The following PLCG2 variants were observed in gnomAD, a reference collection of about 807,000 sequenced individuals.
The protein encoded by PLCG2 is phospholipase C gamma 2.
In PLCG2, 69 loss-of-function variants were observed where a neutral mutation model predicts 175.6. The ratio of observed to expected loss-of-function variants is 0.39; its 90% confidence interval spans 0.32 to 0.48. The LOEUF is 0.48. PLCG2 is among the 20% of genes least tolerant of loss of function. The pLI, the probability that PLCG2 is intolerant of heterozygous loss-of-function variation, is 0.91. For synonymous variants in PLCG2, 827 were observed against 624.0 expected (o/e 1.33, Z -4.85); for missense variants, 1,798 against 1,650.9 (o/e 1.09, Z -1.54).
intron 2 of PLCG2, among the ~76,000 whole-genome samples, chr16:81,828,963 G>T (rs1905151644): frequency 6.6e-6 from 1 of 152,062 alleles, no homozygotes; most frequent in South Asian, 2.1e-4. Context: ...TTCCTGTGTG[G>T]GCCATTCTCT....
intron 2 of PLCG2, among the ~76,000 whole-genome samples, chr16:81,847,364 T>A (rs922617079): frequency 1.3e-5 from 2 of 152,202 alleles, no homozygotes; most frequent in African/African-American, 4.8e-5. Flanking sequence ...TACAAAGGCA[T>A]GATTGATTAA....
intron 2 of PLCG2, among the ~76,000 whole-genome samples, chr16:81,845,612 C>A (rs1054521377): frequency 6.6e-6 from 1 of 152,232 alleles, no homozygotes; most frequent in African/African-American, 2.4e-5. Context: ...GCAGCCCCTG[C>A]ACTAGAATCT....
At chr16:81,818,883 A>ATTTTTTTTTTTTTTTTTTTTTTTTT (rs57346304) in intron 2 of PLCG2, among the ~76,000 whole-genome samples, 9 of 106,610 alleles carry the variant, frequency 8.4e-5, no homozygotes, top group African/African-American at 2.8e-4. Flanking sequence ...GGGCTCATGG[A>ATTTTTTTTTTTTTTTTTTTTTTTTT]TTTTTTTTTT....
At chr16:81,885,445 T>C (rs1294343018) in intron 9 of PLCG2, among the ~76,000 whole-genome samples, 1 of 152,208 alleles carries the variant, frequency 6.6e-6, no homozygotes, top group South Asian at 2.1e-4. Flanking sequence ...ATTACAGATG[T>C]GAGGCACTGT....
chr16:81,940,459 G>GA (rs1555522913), intron 30 of PLCG2, among the ~76,000 whole-genome samples: 3,096 of 151,764 alleles, frequency 0.02, 53 homozygotes, highest in Middle Eastern at 0.051. Flanking sequence ...TGGCATCTTG[G>GA]GGGGGGAGTA....
chr16:81,871,961 A>G (rs1345871117), intron 7 of PLCG2, among the ~76,000 whole-genome samples: 1 of 152,156 alleles, frequency 6.6e-6, no homozygotes, highest in Non-Finnish European at 1.5e-5. Context: ...ATCTGAGATG[A>G]TATTTGTGAC....
At chr16:81,907,626 G>A in intron 15 of PLCG2, 59 bp from the exon 16 acceptor site, 1 of 1,237,098 alleles carries the variant, frequency 8.1e-7, no homozygotes, top group Non-Finnish European at 1.2e-6. Context: ...GGGCTCCTGG[G>A]CTCCACAGTT....
chr16:81,745,645 G>C (rs1414148171), intron 1 of PLCG2, among the ~76,000 whole-genome samples: 1 of 152,182 alleles, frequency 6.6e-6, no homozygotes. Context: ...CTGTTCTCAA[G>C]GTGGGCAGTC....
chr16:81,740,020 C>G (rs1181602165), intron 1 of PLCG2, among the ~76,000 whole-genome samples: 1 of 151,424 alleles, frequency 6.6e-6, no homozygotes, highest in Non-Finnish European at 1.5e-5. Flanking sequence ...TGCCTGCAAT[C>G]ACAGTTACTC....
intron 3 of PLCG2, among the ~76,000 whole-genome samples, chr16:81,857,451 G>T (rs1158981582): frequency 1.3e-5 from 2 of 152,168 alleles, no homozygotes; most frequent in African/African-American, 4.8e-5. Flanking sequence ...GCTGTAGACT[G>T]GGGGTTTAAA....
At position 81,931,502 on chromosome 16, in the gene PLCG2, G is replaced by A. The variant is rs760133960; in HGVS notation, c.2587G>A (p.Ala863Thr). 5.0e-6 allele frequency: 8 copies of A among 1,613,850 alleles called. No homozygotes were observed. Among genetic ancestry groups the A allele is most frequent in the Non-Finnish European group, 6.8e-6 (8 of 1,179,900 alleles). The change falls in exon 25 of 33, where the codon GCC (alanine) becomes ACC (threonine). Residue 863 changes from alanine to threonine, a missense_variant. Coordinates refer to ENST00000564138, the MANE Select transcript of PLCG2 (RefSeq NM_002661.5). ...TCTTATTCTCTTACCCCAAGTGAAAGCCCCTCAGGGAAAAAACCAGAAGTC... is the reference window on the plus strand; with the variant it reads ...TCTTATTCTCTTACCCCAAGTGAAAACCCCTCAGGGAAAAAACCAGAAGTC... ...LDLNTYNVVK[A>T]PQGKNQKSFV...
Position 81,958,857 on chromosome 16 carries a change from T to G in PLCG2, c.*859T>G, listed in dbSNP as rs941029598. 4.5e-6 allele frequency: 1 copy of G among 220,278 alleles called. No individual in the cohort carries two copies. Among genetic ancestry groups the G allele is most frequent in the African/African-American group, 2.2e-5 (1 of 44,560 alleles). 13.6% of individuals were successfully genotyped at this position (220,278 alleles called of 1,614,324 possible). ...CCACAGGCAAGAGGTCAACTGCTGC[T>G]TGAAAGAGGTAGACAAAAGTTAGGT... is the stretch of plus-strand genomic sequence containing the variant. On this transcript the variant is annotated 3_prime_UTR_variant, in exon 33 of 33. Coordinates refer to ENST00000564138, the MANE Select transcript of PLCG2 (RefSeq NM_002661.5).
chr16:81,850,364 CAA>C (rs1906343238), intron 2 of PLCG2, among the ~76,000 whole-genome samples: 1 of 152,018 alleles, frequency 6.6e-6, no homozygotes, highest in Admixed American at 6.5e-5. Context: ...AACAAACAAA[CAA>C]AAAAGTTTCA....
chr16:81,879,073 T>A (rs1567512863), intron 7 of PLCG2, among the ~76,000 whole-genome samples: 1 of 152,092 alleles, frequency 6.6e-6, no homozygotes, highest in Non-Finnish European at 1.5e-5. Flanking sequence ...CCGAGCTCCC[T>A]GAGTGGGGGA....
At chr16:81,767,691 C>G (rs1420237235) in intron 2 of PLCG2, 1 of 151,918 alleles carries the variant, frequency 6.6e-6, no homozygotes, top group African/African-American at 2.4e-5. Context: ...AAGTTGTAAT[C>G]TCCAACACAA....
chr16:81,778,081 C>A (rs1261366343), upstream of PLCG2, among the ~76,000 whole-genome samples: 4 of 100,066 alleles, frequency 4.0e-5, no homozygotes, highest in Admixed American at 9.6e-5. Flanking sequence ...CACACACACA[C>A]AAAAAAAACG....
chr16:81,927,743 A>T (rs1910335306), intron 23 of PLCG2, among the ~76,000 whole-genome samples: 1 of 152,168 alleles, frequency 6.6e-6, no homozygotes, highest in Non-Finnish European at 1.5e-5. Context: ...GATGTAGGGC[A>T]ATCTGGGAAG....
intron 23 of PLCG2, among the ~76,000 whole-genome samples, chr16:81,927,402 C>G (rs2143702499): frequency 6.6e-6 from 1 of 152,272 alleles, no homozygotes; most frequent in South Asian, 2.1e-4. Flanking sequence ...TTGTGTTGGG[C>G]TTGGAAGGAT....
chr16:81,784,609 A>C (rs1206282282), intron 1 of PLCG2, among the ~76,000 whole-genome samples: 1 of 152,230 alleles, frequency 6.6e-6, no homozygotes, highest in African/African-American at 2.4e-5. Context: ...GGAAAGGAGG[A>C]GATAAGAAAC....
Sources: gnomAD v4.1 joint callset for allele counts (sites outside exome capture counted in the v4.1 genomes callset) on GRCh38, gnomAD v4.1.1 for gene constraint, MANE v1.5 for transcripts, NCBI Gene and HGNC (gene_info 2026-07-23, HGNC 2026-07-21) for gene names.